Variants in WDR41 observed in about 807,000 individuals in gnomAD.
WDR41 encodes the protein WD repeat-containing protein 41.
In WDR41, 63 loss-of-function variants were observed where a neutral mutation model predicts 69.3. The ratio of observed to expected loss-of-function variants is 0.91; its 90% CI spans 0.74 to 1.12. The LOEUF is 1.12. WDR41 is among the 50% of genes most tolerant of loss of function. The pLI is 0.00. For synonymous variants in WDR41, 185 were observed against 192.1 expected (o/e 0.96, Z 0.31); for missense variants, 543 against 534.5 (o/e 1.02, Z -0.16).
intron 1 of WDR41, among the ~76,000 whole-genome samples, chr5:77,532,462 T>C (rs1467389759): frequency 1.3e-5 from 2 of 152,112 alleles, no homozygotes; most frequent in Non-Finnish European, 2.9e-5. Flanking sequence ...ATATCCAACA[T>C]AAACGAGTGT....
chr5:77,568,226 T>A (rs1049832875), intron 1 of WDR41, among the ~76,000 whole-genome samples: 3 of 152,166 alleles, frequency 2.0e-5, no homozygotes, highest in Non-Finnish European at 4.4e-5. Flanking sequence ...GCCAGAATAC[T>A]ATTCTGCCAT....
chr5:77,474,398 G>A (rs1800786697), intron 2 of WDR41, among the ~76,000 whole-genome samples: 2 of 151,912 alleles, frequency 1.3e-5, no homozygotes, highest in African/African-American at 4.8e-5. Flanking sequence ...TAACTAACCT[G>A]CACATTGTGC....
intron 1 of WDR41, among the ~76,000 whole-genome samples, chr5:77,560,975 G>A (rs1426918434): frequency 6.6e-6 from 1 of 152,130 alleles, no homozygotes; most frequent in East Asian, 1.9e-4. Flanking sequence ...GGTAGAGATA[G>A]CTGGGTTGAA....
chr5:77,520,280 T>C (rs1224097489), intron 1 of WDR41, among the ~76,000 whole-genome samples: 1 of 152,224 alleles, frequency 6.6e-6, no homozygotes, highest in East Asian at 1.9e-4. Flanking sequence ...AGAACCATTA[T>C]TCTAAAGTCC....
In WDR41 at chr5:77,576,430, C is replaced by A. The variant is rs1475468909; in HGVS notation, c.42+44049G>T. Among the ~76,000 whole-genome samples, 6 of 152,182 alleles carry A rather than the reference C, an allele frequency of 3.9e-5. No homozygotes were observed. In the South Asian group the frequency reaches 8.3e-4, roughly 21 times the overall value. On this transcript the variant is annotated intron_variant, in intron 1 of 5. Coordinates refer to the WDR41 transcript ENST00000509971. ...GTCCCACTGACTTCTTGACCTTCTG[C>A]AGTCTGATTTCTAGCCCCTAACACT...
At chr5:77,581,402 A>T (rs1186258274) in intron 1 of WDR41, among the ~76,000 whole-genome samples, 1 of 152,260 alleles carries the variant, frequency 6.6e-6, no homozygotes, top group Admixed American at 6.5e-5. Flanking sequence ...TTCAACAATT[A>T]TAACTGGAGG....
At chr5:77,564,616 A>T (rs1167358884) in intron 1 of WDR41, among the ~76,000 whole-genome samples, 1 of 152,158 alleles carries the variant, frequency 6.6e-6, no homozygotes, top group Non-Finnish European at 1.5e-5. Context: ...GATAGGTATA[A>T]TATGAGGTTC....
chr5:77,441,812 C>A (rs905735729), intron 8 of WDR41, among the ~76,000 whole-genome samples: 3 of 151,320 alleles, frequency 2.0e-5, no homozygotes, highest in African/African-American at 7.3e-5. Context: ...GATGACAAAA[C>A]AGGTTTATTA....
intron 2 of WDR41, among the ~76,000 whole-genome samples, chr5:77,482,765 A>C (rs985685534): frequency 6.6e-6 from 1 of 152,062 alleles, no homozygotes; most frequent in Non-Finnish European, 1.5e-5. Context: ...ACATAACCCC[A>C]AACTATGCCA....
intron 1 of WDR41, among the ~76,000 whole-genome samples, chr5:77,528,529 T>C (rs1802481360): frequency 6.6e-6 from 1 of 151,848 alleles, no homozygotes; most frequent in Non-Finnish European, 1.5e-5. Context: ...CAACTTCTTC[T>C]GTGAGCCTAA....
At chr5:77,496,648 T>G (rs1047272227), upstream of WDR41, among the ~76,000 whole-genome samples, 6 of 152,062 alleles carry the variant, frequency 3.9e-5, no homozygotes, top group Non-Finnish European at 7.4e-5. Flanking sequence ...TCCAAGCTCT[T>G]GGATAGAAAG....
chr5:77,553,685 A>G (rs993706673), intron 1 of WDR41, among the ~76,000 whole-genome samples: 26 of 152,340 alleles, frequency 1.7e-4, no homozygotes, highest in Middle Eastern at 3.4e-3. Flanking sequence ...AGCACATGAA[A>G]AGATATTCAA....
chr5:77,516,782 G>C (rs1008339238), intron 1 of WDR41, among the ~76,000 whole-genome samples: 3 of 152,292 alleles, frequency 2.0e-5, no homozygotes, highest in Middle Eastern at 3.4e-3. Flanking sequence ...ACTTTGGGAG[G>C]CCGAGGCGGG....
intron 1 of WDR41, among the ~76,000 whole-genome samples, chr5:77,548,904 T>TA (rs953824774): frequency 6.6e-6 from 1 of 151,748 alleles, no homozygotes; most frequent in African/African-American, 2.4e-5. Flanking sequence ...AATGAGTGGA[T>TA]AAAAAAAACT....
At chr5:77,511,438 G>T (rs1331439720) in intron 1 of WDR41, among the ~76,000 whole-genome samples, 2 of 152,074 alleles carry the variant, frequency 1.3e-5, no homozygotes, top group African/African-American at 2.4e-5. Flanking sequence ...TTATAGTTTT[G>T]TAATGAGTGC....
intron 8 of WDR41, among the ~76,000 whole-genome samples, chr5:77,446,297 T>C (rs1190260062): frequency 1.3e-5 from 2 of 152,138 alleles, no homozygotes; most frequent in Non-Finnish European, 2.9e-5. Flanking sequence ...TGGAAAAACA[T>C]TTCATCCTCA....
intron 1 of WDR41, among the ~76,000 whole-genome samples, chr5:77,506,176 CA>C (rs1229119902): frequency 2.0e-5 from 3 of 151,942 alleles, no homozygotes; most frequent in African/African-American, 7.3e-5. Context: ...ACAAAGAATG[CA>C]AACAAATTTA....
In WDR41 at chr5:77,532,469, G is replaced by T. The variant is rs138969097; in HGVS notation, c.43-42897C>A. Reference sequence around the variant, plus strand: ...GTAGGTATATATCCAACATAAACGAGTGTACATGAGCACCAAGAGTCTTGT... The same window carrying T: ...GTAGGTATATATCCAACATAAACGATTGTACATGAGCACCAAGAGTCTTGT... On this transcript the variant is annotated intron_variant, in intron 1 of 5. Transcript: ENST00000509971. 2.9e-3 allele frequency among the ~76,000 whole-genome samples: 448 copies of T among 152,160 alleles called. 1 individual carries two copies. The highest frequency in any genetic ancestry group is 0.01 in the African/African-American group (419 of 41,542).
At chr5:77,599,751 T>G (rs1226085501) in intron 1 of WDR41, among the ~76,000 whole-genome samples, 1 of 152,120 alleles carries the variant, frequency 6.6e-6, no homozygotes, top group Non-Finnish European at 1.5e-5. Context: ...TTGTTGGTGG[T>G]GGGAGGTGGT....
Sources: allele counts gnomAD v4.1 joint callset (sites outside exome capture counted in the v4.1 genomes callset), GRCh38; gene constraint gnomAD v4.1.1; transcripts MANE v1.5; gene names NCBI Gene and HGNC (gene_info 2026-07-23, HGNC 2026-07-21).